RIF1: variants seen among roughly 807,000 people sequenced by gnomAD.
The protein encoded by RIF1 is telomere-associated protein RIF1.
Under a neutral mutation model 247.1 loss-of-function variants are expected in RIF1, and 45 were observed. The ratio of observed to expected loss-of-function variants is 0.18; its 90% CI spans 0.14 to 0.23. The LOEUF (loss-of-function observed/expected upper bound fraction) is 0.23, where lower values mean the gene tolerates loss of function less well. RIF1 is among the 10% of genes least tolerant of loss of function. RIF1 has a pLI of 1.00. For missense variants in RIF1, 2,967 were observed against 2,862.5 expected, an observed-to-expected ratio of 1.04 and a Z score of -0.83; for synonymous variants, 1,087 against 978.8, an observed-to-expected ratio of 1.11 and a Z score of -2.06.
chr2:151,416,809 A>G lies in RIF1; in HGVS notation c.411A>G (p.Val137=). Residue 137 remains valine, a splice_region_variant and synonymous_variant, in exon 6 of 36, where the codon GTA becomes GTG. Coordinates refer to ENST00000444746, the MANE Select transcript of RIF1 (RefSeq NM_018151.5). ...TATTTATTTGGTTCGTTTTTTAGGT[A>G]TCCAGTATAATTGATTCATTAGAAA... ...TFPSEVVGKM[V]SSIIDSLEIL... 6.2e-7 allele frequency: 1 copy of G among 1,608,798 alleles called. No homozygotes were observed. Among genetic ancestry groups the G allele is most frequent in the South Asian group, 1.1e-5 (1 of 89,756 alleles).
chr2:151,418,131 A>T (rs1687530377), intron 6 of RIF1, among the ~76,000 whole-genome samples: 1 of 152,226 alleles, frequency 6.6e-6, no homozygotes. Flanking sequence ...GCACTATTGC[A>T]GATTTCATAA....
Position 151,493,878 on chromosome 2 carries a change from C to T in RIF1, c.*416-1351C>T. Reference sequence around the variant, plus strand: ...CTCTTTGTATAACACCTGTGAGATACAAAGTCATGCCCGAAAGTCACTACG... The same window carrying T: ...CTCTTTGTATAACACCTGTGAGATATAAAGTCATGCCCGAAAGTCACTACG... On this transcript the variant is annotated intron_variant and NMD_transcript_variant, in intron 9 of 13. Coordinates refer to the RIF1 transcript ENST00000454583. The T allele has an allele frequency of 6.7e-7, 1 of 1,499,294 alleles. No homozygotes were observed. Among genetic ancestry groups the T allele is most frequent in the Non-Finnish European group, 9.0e-7 (1 of 1,110,266 alleles). The allele number at this position is 1,499,294 out of a possible 1,614,324, so 92.9% of individuals were successfully genotyped here.
intron 9 of RIF1, chr2:151,492,031 A>T: frequency 6.7e-7 from 1 of 1,492,486 alleles, no homozygotes; most frequent in South Asian, 1.2e-5. Context: ...GATGTAGGTA[A>T]TGCTACTTTT....
chr2:151,410,031 T>G lies in RIF1; in HGVS notation c.-13T>G. 1 of 702,888 alleles carries G rather than the reference T, an allele frequency of 1.4e-6. No individual in the cohort carries two copies. Among genetic ancestry groups the G allele is most frequent in the Non-Finnish European group, 2.6e-6 (1 of 384,906 alleles). The allele number at this position is 702,888 out of a possible 1,614,324, so 43.5% of individuals were successfully genotyped here. A position where few individuals can be genotyped will look rare whatever the true frequency, so the allele number is the denominator to read the frequency against. On this transcript the variant is annotated splice_region_variant and 5_prime_UTR_variant, in exon 1 of 36. Coordinates refer to ENST00000444746, the MANE Select transcript of RIF1 (RefSeq NM_018151.5). The stretch of plus-strand genomic sequence containing the variant: ...GGAGAGAACCCTGTCCTGATCTTCC[T>G]AGGTGGGATAAATATCGGGGTGACA...
At chr2:151,497,547 A>T in intron 10 of RIF1, 6 of 1,522,586 alleles carry the variant, frequency 3.9e-6, no homozygotes, top group Non-Finnish European at 5.3e-6. Context: ...AAAAAGTAGG[A>T]TTAATACGTA....
intron 22 of RIF1, among the ~76,000 whole-genome samples, chr2:151,455,528 C>G (rs1695045964): frequency 6.6e-6 from 1 of 152,132 alleles, no homozygotes; most frequent in Non-Finnish European, 1.5e-5. Flanking sequence ...TCCATGGGTT[C>G]TGCATTCATG....
intron 11 of RIF1, 104 bp downstream of exon 11, chr2:151,435,684 C>T (rs751317556): frequency 2.6e-5 from 16 of 609,852 alleles, no homozygotes; most frequent in Non-Finnish European, 4.3e-5. Context: ...AGGTTTTGCT[C>T]AGTGTTTTTC....
At position 151,480,528 on chromosome 2, in the gene RIF1, TA is replaced by T. The variant is rs1273974197; in HGVS notation, c.*5458del. On this transcript the variant is annotated 3_prime_UTR_variant, in exon 36 of 36. Transcript: ENST00000444746. ...AGCTATTCTGTACATAGCACAGTAT[TA>T]TAATTGATGTTCATAAATACCCTGA... 6.6e-6 allele frequency: 1 copy of T among 152,174 alleles called. No individual in the cohort carries two copies. The highest frequency in any genetic ancestry group is 1.5e-5 in the Non-Finnish European group (1 of 68,012). 9.4% of individuals were successfully genotyped at this position (152,174 alleles called of 1,614,324 possible). A position where few individuals can be genotyped will look rare whatever the true frequency, so the allele number is the denominator to read the frequency against.
chr2:151,522,206 GCTC>G, the RIF1 span, among the ~76,000 whole-genome samples: 1 of 152,048 alleles, frequency 6.6e-6, no homozygotes, highest in Non-Finnish European at 1.5e-5. Flanking sequence ...TAATTTTTTA[GCTC>G]CTTTTTATTG....
intron 8 of RIF1, among the ~76,000 whole-genome samples, chr2:151,424,825 ATTTTTTTTTTTTTTTTTT>A (rs71000475): frequency 4.2e-5 from 2 of 47,272 alleles, no homozygotes; most frequent in Admixed American, 3.6e-4. Context: ...AGCCCGGCTG[ATTTTTTTTTTTTTTTTTT>A]TTTTTTTTTT....
chr2:151,464,715 G>A lies in RIF1; in HGVS notation c.5195G>A (p.Cys1732Tyr). ...AGGAGGGTGAGGAGATCTAAAGGTT[G>A]TGATTGCTGTGGGGAAAAATCACAA... is the stretch of plus-strand genomic sequence containing the variant. ...RSRRVRRSKG[C>Y]DCCGEKSQPQ... The change falls in exon 30 of 36, where the codon TGT becomes TAT. Residue 1732 changes from cysteine (C) to tyrosine (Y), a missense_variant. Coordinates refer to ENST00000444746, the MANE Select transcript of RIF1 (RefSeq NM_018151.5). 6.2e-7 allele frequency: 1 copy of A among 1,613,300 alleles called. No individual in the cohort carries two copies. The highest frequency in any genetic ancestry group is 1.1e-5 in the South Asian group (1 of 90,868).
rs764467385 is a variant in RIF1, at chr2:151,462,478, A to T, written c.3363+12A>T. The T allele has an allele frequency of 7.1e-6, 11 of 1,539,848 alleles. No homozygotes were observed. The highest frequency in any genetic ancestry group is 9.6e-6 in the Non-Finnish European group (11 of 1,140,088). ...AGATGATGATTACGGTATGTTTGAC[A>T]TTTCATATTTTGGGCTTTTTAGAAT... On this transcript the variant is annotated intron_variant, in intron 29 of 35. Transcript: ENST00000444746.
intron 9 of RIF1, among the ~76,000 whole-genome samples, chr2:151,429,529 T>A (rs1235111896): frequency 6.6e-6 from 1 of 152,234 alleles, no homozygotes; most frequent in Non-Finnish European, 1.5e-5. Flanking sequence ...GTACTTTATG[T>A]ATATTTTATT....
exon 12 of RIF1, chr2:151,503,114 A>G (rs1050031928): frequency 1.7e-6 from 1 of 585,754 alleles, no homozygotes; most frequent in Non-Finnish European, 3.0e-6. Flanking sequence ...ACGCTGAGGA[A>G]TCTTGTTAAT....
intron 21 of RIF1, among the ~76,000 whole-genome samples, chr2:151,452,160 A>G (rs1016968032): frequency 6.6e-6 from 1 of 152,198 alleles, no homozygotes; most frequent in Non-Finnish European, 1.5e-5. Context: ...TTTTTCCAGA[A>G]ATGTTACAAA....
chr2:151,525,066 G>C, the RIF1 span: 4 of 910,590 alleles, frequency 4.4e-6, no homozygotes, highest in Admixed American at 2.2e-5. Flanking sequence ...CTACCACAGA[G>C]GAATTAGAGT....
chr2:151,487,953 A>G (rs936803617), intron 9 of RIF1, among the ~76,000 whole-genome samples: 2 of 152,104 alleles, frequency 1.3e-5, no homozygotes, highest in African/African-American at 2.4e-5. Flanking sequence ...ATATGATACA[A>G]TATGATATTT....
At chr2:151,528,085 G>A in the RIF1 span, among the ~76,000 whole-genome samples, 4 of 152,138 alleles carry the variant, frequency 2.6e-5, no homozygotes, top group African/African-American at 9.7e-5. Flanking sequence ...GGATAGAAAG[G>A]TTAAGTAAAC....
At chr2:151,448,246 G>A (rs1284807355) in intron 20 of RIF1, among the ~76,000 whole-genome samples, 1 of 152,056 alleles carries the variant, frequency 6.6e-6, no homozygotes, top group Non-Finnish European at 1.5e-5. Context: ...GTTTCACCGT[G>A]TTGGCCAGGC....
Sources: allele counts gnomAD v4.1 joint callset (sites outside exome capture counted in the v4.1 genomes callset), GRCh38; gene constraint gnomAD v4.1.1; transcripts MANE v1.5; gene names NCBI Gene and HGNC (gene_info 2026-07-23, HGNC 2026-07-21).